Variants in PDCD10 observed in about 807,000 individuals in gnomAD.
PDCD10 encodes programmed cell death protein 10.
PDCD10 carries 4 observed loss-of-function variants against 29.2 expected under a neutral mutation model. The observed-to-expected ratio is 0.14, with a 90% CI of 0.07 to 0.31. The LOEUF (loss-of-function observed/expected upper bound fraction) is 0.31. PDCD10 is among the 10% of genes least tolerant of loss of function. PDCD10 has a pLI of 1.00. For synonymous variants in PDCD10, 70 were observed against 82.2 expected, an observed-to-expected ratio of 0.85 and a Z score of 0.80; for missense variants, 183 against 257.9, an observed-to-expected ratio of 0.71 and a Z score of 1.99.
At chr3:167,685,880 C>T (rs553492026) in intron 8 of PDCD10, among the ~76,000 whole-genome samples, 2 of 152,170 alleles carry the variant, frequency 1.3e-5, no homozygotes, top group African/African-American at 4.8e-5. Context: ...TATGGAACAC[C>T]ACCACAAAAC....
intron 4 of PDCD10, among the ~76,000 whole-genome samples, chr3:167,701,200 G>T (rs937526123): frequency 1.3e-5 from 2 of 152,118 alleles, no homozygotes; most frequent in African/African-American, 4.8e-5. Context: ...ATCTTGGCAG[G>T]AAGGGATGGT....
At chr3:167,719,261 A>C (rs59953438) in intron 3 of PDCD10, among the ~76,000 whole-genome samples, 41,848 of 151,998 alleles carry the variant, frequency 0.28, 6,402 homozygotes, top group African/African-American at 0.41. Flanking sequence ...AAAATAGCAA[A>C]AAAATATTAA....
chr3:167,694,896 C>T (rs1316340117), intron 6 of PDCD10, among the ~76,000 whole-genome samples: 1 of 152,248 alleles, frequency 6.6e-6, no homozygotes, highest in African/African-American at 2.4e-5. Context: ...CAAAACCATG[C>T]ATTGATAGTG....
chr3:167,693,965 A>G (rs1720527580), intron 6 of PDCD10, among the ~76,000 whole-genome samples: 1 of 151,984 alleles, frequency 6.6e-6, no homozygotes, highest in African/African-American at 2.4e-5. Context: ...AATGTTCAAG[A>G]CATGAAATGC....
intron 3 of PDCD10, among the ~76,000 whole-genome samples, chr3:167,706,218 A>G (rs1425067234): frequency 2.6e-5 from 4 of 152,236 alleles, no homozygotes; most frequent in Non-Finnish European, 4.4e-5. Context: ...GAACCTTACA[A>G]AAAGAATAAG....
At chr3:167,691,458 G>A (rs763657549) in intron 6 of PDCD10, among the ~76,000 whole-genome samples, 5 of 152,164 alleles carry the variant, frequency 3.3e-5, no homozygotes, top group Non-Finnish European at 7.4e-5. Context: ...GAAAGCCTCT[G>A]TCAATGACTA....
intron 6 of PDCD10, among the ~76,000 whole-genome samples, chr3:167,691,850 G>T (rs1195223355): frequency 6.6e-6 from 1 of 152,116 alleles, no homozygotes; most frequent in African/African-American, 2.4e-5. Context: ...CACTTAATAG[G>T]TAAGTTCTGT....
rs777154489 is a variant in PDCD10, at chr3:167,684,346, T to C, written c.601A>G (p.Thr201Ala). The change falls in exon 9 of 9, where the codon ACC becomes GCC. Residue 201 changes from threonine to alanine, a missense_variant. Transcript: ENST00000392750. The stretch of plus-strand genomic sequence containing the variant: ...TTGAAGGTCTGAAGTATTAAGTTGG[T>C]TTGATGAATTAGTCGGTTGGCACTT... ...FVSANRLIHQ[T>A]NLILQTFKTV... 1.2e-6 allele frequency: 2 copies of C among 1,607,884 alleles called. No individual in the cohort carries two copies. Among genetic ancestry groups the C allele is most frequent in the East Asian group, 2.2e-5 (1 of 44,746 alleles).
At chr3:167,732,296 C>A (rs1724900450) in intron 2 of PDCD10, among the ~76,000 whole-genome samples, 1 of 152,082 alleles carries the variant, frequency 6.6e-6, no homozygotes, top group Admixed American at 6.5e-5. Flanking sequence ...AATAAACAGC[C>A]CCTATTCTTA....
intron 3 of PDCD10, among the ~76,000 whole-genome samples, chr3:167,714,058 G>C (rs1304121194): frequency 6.6e-6 from 1 of 151,996 alleles, no homozygotes; most frequent in African/African-American, 2.4e-5. Context: ...TACAAAGCCA[G>C]TATTACCCTG....
chr3:167,684,786 CAAG>C (rs1317067417), intron 8 of PDCD10, among the ~76,000 whole-genome samples: 11 of 152,008 alleles, frequency 7.2e-5, no homozygotes. Context: ...GCATAATACT[CAAG>C]AAAAATCTAA....
intron 2 of PDCD10, among the ~76,000 whole-genome samples, chr3:167,732,979 C>T (rs1724973500): frequency 6.6e-6 from 1 of 152,138 alleles, no homozygotes; most frequent in African/African-American, 2.4e-5. Context: ...GTACATTATT[C>T]CTGATTTTAC....
At chr3:167,706,057 A>C (rs1031201528) in intron 3 of PDCD10, among the ~76,000 whole-genome samples, 1 of 152,216 alleles carries the variant, frequency 6.6e-6, no homozygotes, top group South Asian at 2.1e-4. Context: ...GCCTTCAAGT[A>C]TCAGCGTTAT....
intron 3 of PDCD10, among the ~76,000 whole-genome samples, chr3:167,709,253 G>C (rs1050858297): frequency 1.3e-5 from 2 of 152,002 alleles, no homozygotes; most frequent in Admixed American, 1.3e-4. Context: ...ACACAAAAAA[G>C]CACTGCCAAA....
intron 4 of PDCD10, among the ~76,000 whole-genome samples, chr3:167,698,356 A>G (rs1721019448): frequency 1.3e-5 from 2 of 152,006 alleles, no homozygotes; most frequent in Non-Finnish European, 2.9e-5. Context: ...TTTTCCTTCC[A>G]TGGATATATA....
intron 3 of PDCD10, among the ~76,000 whole-genome samples, chr3:167,718,881 T>C (rs879551013): frequency 6.6e-6 from 1 of 151,970 alleles, no homozygotes; most frequent in Non-Finnish European, 1.5e-5. Flanking sequence ...TCAGAATCTT[T>C]TATGTGACAG....
At chr3:167,731,616 A>T (rs889310582) in intron 2 of PDCD10, among the ~76,000 whole-genome samples, 1 of 152,236 alleles carries the variant, frequency 6.6e-6, no homozygotes, top group African/African-American at 2.4e-5. Context: ...CATTCAGCAA[A>T]TATTTACTGA....
At chr3:167,717,784 T>C (rs1723164799) in intron 3 of PDCD10, among the ~76,000 whole-genome samples, 1 of 152,078 alleles carries the variant, frequency 6.6e-6, no homozygotes. Context: ...AACATGCCTT[T>C]GAATACATGA....
intron 3 of PDCD10, among the ~76,000 whole-genome samples, chr3:167,705,349 T>C (rs948549573): frequency 6.6e-6 from 1 of 152,160 alleles, no homozygotes; most frequent in Admixed American, 6.5e-5. Flanking sequence ...AAAACTCAAT[T>C]GTATATATTT....
Sources: gnomAD v4.1 joint callset for allele counts (sites outside exome capture counted in the v4.1 genomes callset) on GRCh38, gnomAD v4.1.1 for gene constraint, MANE v1.5 for transcripts, NCBI Gene and HGNC (gene_info 2026-07-23, HGNC 2026-07-21) for gene names.